The following SANBR variants were observed in gnomAD, a reference collection of about 807,000 sequenced individuals.
The protein encoded by SANBR is SANT and BTB domain regulator of class switch recombination.
A neutral mutation model predicts 101.8 loss-of-function variants in SANBR; 77 were observed. The ratio of observed to expected loss-of-function variants is 0.76; its 90% confidence interval spans 0.63 to 0.91. The LOEUF (loss-of-function observed/expected upper bound fraction) is 0.91. Among genes scored for constraint, SANBR ranks in the 40% least tolerant of loss-of-function variants. The pLI is 0.00. For synonymous variants in SANBR, 279 were observed against 274.7 expected (o/e 1.02, Z -0.15); for missense variants, 875 against 853.0 (o/e 1.03, Z -0.32).
At chr2:61,118,180 CT>C in intron 20 of SANBR, 64 bp downstream of exon 20, 1 of 1,074,282 alleles carries the variant, frequency 9.3e-7, no homozygotes, top group Non-Finnish European at 1.4e-6. Flanking sequence ...TTATTTTCAG[CT>C]TAGGATTATA....
At chr2:61,092,713 A>T (rs1248713134) in intron 11 of SANBR, 126 bp downstream of exon 11, 5 of 763,136 alleles carry the variant, frequency 6.6e-6, no homozygotes, top group Non-Finnish European at 9.6e-6. Flanking sequence ...TAAAGAAACT[A>T]GTGGCAGCTG....
At chr2:61,126,917 A>T (rs1573679347), downstream of SANBR, among the ~76,000 whole-genome samples, 1 of 152,044 alleles carries the variant, frequency 6.6e-6, no homozygotes, top group Non-Finnish European at 1.5e-5. Context: ...GACATTAGCC[A>T]TTCCCGCTGT....
rs866701945 is a variant in SANBR, at chr2:61,122,755, G to A, written c.*593G>A. 8 of 985,044 alleles carry A rather than the reference G, an allele frequency of 8.1e-6. No individual in the cohort carries two copies. Among genetic ancestry groups the A allele is most frequent in the East Asian group, 1.1e-4 (1 of 8,962 alleles). 61.0% of individuals were successfully genotyped at this position (985,044 alleles called of 1,614,324 possible). A position where few individuals can be genotyped will look rare whatever the true frequency, so the allele number is the denominator to read the frequency against. ...GGTTAATTTTTTTCAGCATTATATCGTGGAAAGTACAATGTTAATCCAACT... is the reference window on the plus strand; with the variant it reads ...GGTTAATTTTTTTCAGCATTATATCATGGAAAGTACAATGTTAATCCAACT... On this transcript the variant is annotated 3_prime_UTR_variant, in exon 22 of 22. Transcript: ENST00000402291.
intron 20 of SANBR, among the ~76,000 whole-genome samples, chr2:61,120,896 G>C (rs556482347): frequency 1.3e-5 from 2 of 152,292 alleles, no homozygotes; most frequent in African/African-American, 4.8e-5. Flanking sequence ...GAAATTGGTA[G>C]TGGTAGGTAG....
intron 12 of SANBR, 73 bp downstream of exon 12, chr2:61,097,925 C>G: frequency 1.6e-6 from 2 of 1,230,916 alleles, no homozygotes; most frequent in Non-Finnish European, 2.3e-6. Context: ...GTATAAAAGA[C>G]TTCAAACAAT....
chr2:61,116,195 A>G (rs1684072718), intron 17 of SANBR, 125 bp downstream of exon 17: 3 of 618,116 alleles, frequency 4.9e-6, no homozygotes, highest in Non-Finnish European at 8.5e-6. Flanking sequence ...GAAGTTTTTT[A>G]TAGACTGAGA....
At chr2:61,103,583 A>G (rs958519956) in intron 12 of SANBR, among the ~76,000 whole-genome samples, 1 of 152,200 alleles carries the variant, frequency 6.6e-6, no homozygotes, top group Non-Finnish European at 1.5e-5. Flanking sequence ...GGAAACCGTT[A>G]TGATCAGAAT....
chr2:61,137,421 T>G (rs181421307), intron 21 of SANBR: 131 of 152,454 alleles, frequency 8.6e-4, no homozygotes, highest in African/African-American at 3.0e-3. Flanking sequence ...CTGTCTTTAC[T>G]GTAGTTATCT....
rs1022614747 is a variant in SANBR, at chr2:61,122,157, G to A, written c.2152G>A (p.Ala718Thr). 25 of 1,549,422 alleles carry A rather than the reference G, an allele frequency of 1.6e-5. No individual in the cohort carries two copies. The highest frequency in any genetic ancestry group is 2.2e-5 in the Non-Finnish European group (25 of 1,145,396). Reference sequence around the variant, plus strand: ...AAGTCGTTTTGGTCAAGGGCGTCCTGCATAAAGTACCTTAAAATATAAGTA... The same window carrying A: ...AAGTCGTTTTGGTCAAGGGCGTCCTACATAAAGTACCTTAAAATATAAGTA... ...SKSRFGQGRP[A>T] is the part of the protein sequence containing the mutation. Residue 718 changes from alanine (A) to threonine (T), a missense_variant, in exon 22 of 22, where the codon GCA becomes ACA. Ala to Thr is a moderately conservative substitution (Grantham distance 58). Coordinates refer to ENST00000402291, the MANE Select transcript of SANBR (RefSeq NM_001129993.3).
chr2:61,106,090 G>A (rs993063127), intron 13 of SANBR, among the ~76,000 whole-genome samples: 44 of 152,146 alleles, frequency 2.9e-4, no homozygotes, highest in African/African-American at 9.6e-4. Flanking sequence ...ATCACTGGAC[G>A]AATTAAGAAA....
At chr2:61,087,526 C>T (rs568590402) in intron 8 of SANBR, among the ~76,000 whole-genome samples, 6 of 151,888 alleles carry the variant, frequency 4.0e-5, no homozygotes, top group South Asian at 4.2e-4. Context: ...TGCACTCCAG[C>T]GTGGGTGATG....
At chr2:61,075,417 C>T (rs1366065695) in intron 5 of SANBR, among the ~76,000 whole-genome samples, 1 of 151,746 alleles carries the variant, frequency 6.6e-6, no homozygotes, top group African/African-American at 2.4e-5. Flanking sequence ...ACCACCATGC[C>T]GGCTAATTTT....
intron 16 of SANBR, among the ~76,000 whole-genome samples, chr2:61,114,168 A>C (rs1683965379): frequency 6.6e-6 from 1 of 152,176 alleles, no homozygotes; most frequent in Non-Finnish European, 1.5e-5. Flanking sequence ...TTACACTGAC[A>C]CAGATATTAT....
At chr2:61,094,102 T>G (rs991466221) in intron 11 of SANBR, 1 of 980,636 alleles carries the variant, frequency 1.0e-6, no homozygotes, top group African/African-American at 1.7e-5. Context: ...AAGTTCCCAC[T>G]CAATGGGTTC....
At chr2:61,073,168 A>G (rs974397741) in intron 4 of SANBR, among the ~76,000 whole-genome samples, 2 of 152,204 alleles carry the variant, frequency 1.3e-5, no homozygotes, top group African/African-American at 2.4e-5. Context: ...CTTCAGAAAG[A>G]GAAAACTATG....
chr2:61,069,231 T>C (rs1242598216), intron 2 of SANBR, among the ~76,000 whole-genome samples: 1 of 152,230 alleles, frequency 6.6e-6, no homozygotes, highest in African/African-American at 2.4e-5. Context: ...CTCAGCACAA[T>C]CTAAATACTA....
In SANBR at chr2:61,132,188, A is replaced by G. The variant is rs1436489259; in HGVS notation, c.2029-1949A>G. 2.6e-5 allele frequency among the ~76,000 whole-genome samples: 4 copies of G among 152,246 alleles called. No homozygotes were observed. The East Asian group carries it at 5.8e-4, about 22-fold the overall frequency. ...AAATAAATTGGACACCAAAATTAAA[A>G]ACTTTTATGCTTCAAAGAACATCAA... On this transcript the variant is annotated intron_variant, in intron 20 of 21. Transcript: ENST00000295031.
At chr2:61,091,238 G>A (rs888894134) in intron 10 of SANBR, among the ~76,000 whole-genome samples, 4 of 152,102 alleles carry the variant, frequency 2.6e-5, no homozygotes, top group Admixed American at 2.6e-4. Flanking sequence ...AAGGGCAGGA[G>A]TTTAAGACCA....
chr2:61,093,098 A>G (rs1453881786), intron 11 of SANBR, among the ~76,000 whole-genome samples: 1 of 151,978 alleles, frequency 6.6e-6, no homozygotes, highest in Non-Finnish European at 1.5e-5. Flanking sequence ...GTGCCACTGC[A>G]CTCCAGCCTG....
Sources: allele counts gnomAD v4.1 joint callset (sites outside exome capture counted in the v4.1 genomes callset), GRCh38; gene constraint gnomAD v4.1.1; transcripts MANE v1.5; gene names NCBI Gene and HGNC (gene_info 2026-07-23, HGNC 2026-07-21).